FHIP1B: variants seen among roughly 807,000 people sequenced by gnomAD.
FHIP1B encodes FHF complex subunit HOOK interacting protein 1B, also known as FHF complex subunit HOOK-interacting protein 1B.
In FHIP1B, 28 loss-of-function variants were observed where a neutral mutation model predicts 82.2. The ratio of observed to expected loss-of-function variants is 0.34; its 90% CI spans 0.25 to 0.47. FHIP1B has a LOEUF of 0.47. FHIP1B is among the 20% of genes least tolerant of loss of function. The pLI is 1.00. For missense variants in FHIP1B, 1,110 were observed against 1,262.6 expected, an observed-to-expected ratio of 0.88 and a Z score of 1.83; for synonymous variants, 585 against 516.1, an observed-to-expected ratio of 1.13 and a Z score of -1.81.
intron 6 of FHIP1B, among the ~76,000 whole-genome samples, chr11:6,220,809 G>C (rs1847385846): frequency 6.6e-6 from 1 of 152,096 alleles, no homozygotes; most frequent in African/African-American, 2.4e-5. Context: ...AGAAACAACA[G>C]ATAAAACCTC....
At chr11:6,214,666 TCACTC>T in intron 10 of FHIP1B, 62 bp downstream of exon 10, 1 of 1,547,278 alleles carries the variant, frequency 6.5e-7, no homozygotes, top group Non-Finnish European at 8.7e-7. Flanking sequence ...CCACCCAGGG[TCACTC>T]CAGCTGCGGG....
chr11:6,218,489 T>G, intron 8 of FHIP1B, 111 bp downstream of exon 8: 1 of 1,504,078 alleles, frequency 6.6e-7, no homozygotes. Context: ...CAGACTATCA[T>G]TCATGGACAC....
rs191954207 is a variant in FHIP1B, at chr11:6,222,584, C to A, written c.1049G>T (p.Ser350Ile). The change falls in exon 6 of 12, where the codon AGT (serine) becomes ATT (isoleucine). Residue 350 changes from serine (S) to isoleucine (I), a missense_variant. Coordinates refer to ENST00000449352, the MANE Select transcript of FHIP1B (RefSeq NM_001098794.2). ...TAGGAAAAGTTCCAGATAGGCGGTA[C>A]TGGCGATCATCTCCTCCACAGAGGT... ...HKTSVEEMIASTAYLELFLRS... is the reference protein window; with the variant it reads ...HKTSVEEMIAITAYLELFLRS... 6.2e-7 allele frequency: 1 copy of A among 1,614,108 alleles called. No homozygotes were observed. Among genetic ancestry groups the A allele is most frequent in the Admixed American group, 1.7e-5 (1 of 60,016 alleles).
At chr11:6,220,263 A>G (rs1175282521) in intron 6 of FHIP1B, among the ~76,000 whole-genome samples, 1 of 152,128 alleles carries the variant, frequency 6.6e-6, no homozygotes, top group Non-Finnish European at 1.5e-5. Context: ...AACCAGCAAG[A>G]AAACAGAGAT....
At chr11:6,225,498 A>T (rs1185301832) in intron 1 of FHIP1B, among the ~76,000 whole-genome samples, 1 of 152,144 alleles carries the variant, frequency 6.6e-6, no homozygotes, top group Non-Finnish European at 1.5e-5. Flanking sequence ...ACCTGAAACT[A>T]TTTATTTATT....
In FHIP1B at chr11:6,224,453, C is replaced by T. The variant is rs1268831960; in HGVS notation, c.64G>A (p.Gly22Arg). The change falls in exon 2 of 12, where the codon GGG becomes AGG. Residue 22 changes from glycine to arginine, a missense_variant. Physicochemically the swap from Gly to Arg is moderately radical, Grantham distance 125 (BLOSUM62 -2). Transcript: ENST00000449352. ...ATGACTGGGGTTTGGAGATTGGCCC[C>T]TTGAGGTATACGGTGCCCAGGGCCC... ...SRGPGHRIPQGANLQTPVMAD... is the reference protein window; with the variant it reads ...SRGPGHRIPQRANLQTPVMAD... 1.2e-6 allele frequency: 2 copies of T among 1,614,034 alleles called. No individual in the cohort carries two copies. The highest frequency in any genetic ancestry group is 4.5e-5 in the East Asian group (2 of 44,896).
chr11:6,224,062 C>A lies in FHIP1B; in HGVS notation c.325G>T (p.Val109Leu). 6.2e-7 allele frequency: 1 copy of A among 1,613,488 alleles called. No individual in the cohort carries two copies. Among genetic ancestry groups the A allele is most frequent in the Non-Finnish European group, 8.5e-7 (1 of 1,179,654 alleles). The change falls in exon 3 of 12, where the codon GTG becomes TTG. Residue 109 changes from valine to leucine, a missense_variant. Val to Leu is a conservative substitution (Grantham distance 32). Coordinates refer to ENST00000449352, the MANE Select transcript of FHIP1B (RefSeq NM_001098794.2). ...TCCCATTGCAGCTGCCATGTCAACA[C>A]ACGGGTCAGCAGATCCTCGTGCAGA... ...FALHEDLLTR[V>L]LTWQLQWDEL...
Position 6,222,885 on chromosome 11 carries a change from G to A in FHIP1B, c.949C>T (p.Leu317=). 1 of 1,614,086 alleles carries A rather than the reference G, an allele frequency of 6.2e-7. No individual in the cohort carries two copies. Among genetic ancestry groups the A allele is most frequent in the Non-Finnish European group, 8.5e-7 (1 of 1,179,958 alleles). The part of the protein sequence containing the change: ...CNAVIQVAHP[L]VQKQLVDYIH... ...TAATCAACCAACTGCTTCTGCACCA[G>A]GGGGTGAGCCACCTGTAGGAGTGCC... The change falls in exon 5 of 12, where the codon CTG becomes TTG. Residue 317 remains leucine, a synonymous_variant. Transcript: ENST00000449352.
intron 6 of FHIP1B, among the ~76,000 whole-genome samples, chr11:6,220,115 T>C (rs1847364791): frequency 6.6e-6 from 1 of 152,194 alleles, no homozygotes; most frequent in African/African-American, 2.4e-5. Context: ...ACTTCGCAGA[T>C]GTGAGTATCC....
At chr11:6,214,967 G>A (rs1330334258) in intron 9 of FHIP1B, 56 bp from the exon 10 acceptor site, 21 of 1,432,900 alleles carry the variant, frequency 1.5e-5, no homozygotes, top group East Asian at 7.5e-5. Context: ...AATGCACATC[G>A]CACGCATTCC....
intron 9 of FHIP1B, among the ~76,000 whole-genome samples, chr11:6,216,083 G>A (rs1033886455): frequency 6.6e-6 from 1 of 152,158 alleles, no homozygotes; most frequent in Non-Finnish European, 1.5e-5. Context: ...AAAGACAAAA[G>A]CTTCAATTAA....
chr11:6,223,614 C>A lies in FHIP1B; in HGVS notation c.773G>T (p.Cys258Phe), dbSNP rs1847477065. The A allele has an allele frequency of 1.3e-6, 2 of 1,581,594 alleles. No individual in the cohort carries two copies. Among genetic ancestry groups the A allele is most frequent in the African/African-American group, 1.4e-5 (1 of 74,032 alleles). Residue 258 changes from cysteine (C) to phenylalanine (F), a missense_variant, in exon 3 of 12, where the codon TGC (cysteine) becomes TTC (phenylalanine). Physicochemically the swap from Cys to Phe is radical, Grantham distance 205. Coordinates refer to ENST00000449352, the MANE Select transcript of FHIP1B (RefSeq NM_001098794.2). This position sits in a 1 kb window ranked among gnomAD's most constrained non-coding sequence, Gnocchi z 4.8. ...TCCAAGCCAGGGGGTGCTAACCGGG[C>A]AGAAGTAAGAGTGATCCGCGATGTA... ...GRYIADHSYF[C>F]PVLATGLSAL...
At position 6,218,128 on chromosome 11, in the gene FHIP1B, G is replaced by A. The variant is rs142507687; in HGVS notation, c.1458C>T (p.Asp486=). ...GGGGTACTGTCGTCACAGAAGAGGA[G>A]TCCACACTTGGGCTTCCAGGACCTG... The part of the protein sequence containing the change: ...WARGPGSPSV[D]SSSVTTVPRP... The change falls in exon 9 of 12, where the codon GAC becomes GAT. Residue 486 remains aspartate (D), a synonymous_variant. Transcript: ENST00000449352. 7.4e-6 allele frequency: 12 copies of A among 1,612,342 alleles called. No homozygotes were observed. Among genetic ancestry groups the A allele is most frequent in the Non-Finnish European group, 1.0e-5 (12 of 1,179,064 alleles).
At chr11:6,214,337 A>G in intron 11 of FHIP1B, 74 bp downstream of exon 11, 1 of 1,487,812 alleles carries the variant, frequency 6.7e-7, no homozygotes, top group East Asian at 2.3e-5. Flanking sequence ...TTCACTCTTA[A>G]TAAGAGCTCA....
chr11:6,227,392 C>A (rs1847590679), intron 1 of FHIP1B, among the ~76,000 whole-genome samples: 1 of 152,100 alleles, frequency 6.6e-6, no homozygotes, highest in Non-Finnish European at 1.5e-5. Context: ...TTTAAATTAA[C>A]CGCAAAGTAA....
In FHIP1B at chr11:6,214,731, A is replaced by G; in HGVS notation, c.2394+2T>C. On this transcript the variant is annotated splice_donor_variant, in intron 10 of 11. Coordinates refer to ENST00000449352, the MANE Select transcript of FHIP1B (RefSeq NM_001098794.2). LOFTEE classifies it high-confidence loss of function. ...GCACCCATGCATGCATGCATCGCAC[A>G]CCTGCAGCAGGGACTTGACACTGGG... 1 of 1,569,264 alleles carries G rather than the reference A, an allele frequency of 6.4e-7. No individual in the cohort carries two copies. The highest frequency in any genetic ancestry group is 8.7e-7 in the Non-Finnish European group (1 of 1,154,278).
chr11:6,219,232 C>A (rs138487643), intron 6 of FHIP1B, among the ~76,000 whole-genome samples, 182 bp from the exon 7 acceptor site: 2 of 152,230 alleles, frequency 1.3e-5, no homozygotes, highest in African/African-American at 4.8e-5. Flanking sequence ...GATGATCACA[C>A]GATCTTTGCG....
Position 6,223,512 on chromosome 11 carries a change from C to G in FHIP1B, c.777+98G>C, listed in dbSNP as rs1021597561. ...ATCCAGGAACTGTTTCCTAGGGGAA[C>G]GGGCCCTGGAACATAGCCTCTCCCC... On this transcript the variant is annotated intron_variant, in intron 3 of 11. Coordinates refer to ENST00000449352, the MANE Select transcript of FHIP1B (RefSeq NM_001098794.2). This position sits in a 1 kb window ranked among gnomAD's most constrained non-coding sequence, Gnocchi z 4.8. The G allele has an allele frequency of 1.4e-6, 2 of 1,427,000 alleles. No individual in the cohort carries two copies. Among genetic ancestry groups the G allele is most frequent in the Non-Finnish European group, 1.9e-6 (2 of 1,054,834 alleles). The allele number at this position is 1,427,000 out of a possible 1,614,324, so 88.4% of individuals were successfully genotyped here.
chr11:6,224,979 T>A (rs954378695), intron 1 of FHIP1B, among the ~76,000 whole-genome samples: 3 of 152,190 alleles, frequency 2.0e-5, no homozygotes, highest in African/African-American at 7.2e-5. Context: ...TTTTCCTTAC[T>A]TCCAATATCC....
Sources: allele counts gnomAD v4.1 joint callset (sites outside exome capture counted in the v4.1 genomes callset), GRCh38; gene constraint gnomAD v4.1.1; non-coding constraint Gnocchi (gnomAD v3.1); transcripts MANE v1.5; gene names NCBI Gene and HGNC (gene_info 2026-07-23, HGNC 2026-07-21).